CLCN4: variants seen among roughly 807,000 people sequenced by gnomAD.
CLCN4 encodes the protein H(+)/Cl(-) exchange transporter 4.
CLCN4 carries 1 observed loss-of-function variant against 41.7 expected under a neutral mutation model. The observed-to-expected ratio is 0.02, with a 90% CI of 0.01 to 0.11. The LOEUF (loss-of-function observed/expected upper bound fraction) is 0.11. Ranked by LOEUF, CLCN4 falls within the 10% of genes least tolerant of loss-of-function variation. The pLI is 1.00. For synonymous variants in CLCN4, 277 were observed against 285.8 expected (o/e 0.97, Z 0.31); for missense variants, 287 against 661.0 (o/e 0.43, Z 6.20).
chrX:10,196,008 G>T (rs1352067041), intron 5 of CLCN4, among the ~76,000 whole-genome samples: 1 of 112,278 alleles, frequency 8.9e-6, no homozygotes, highest in Non-Finnish European at 1.9e-5. Flanking sequence ...GAGTTGCTGG[G>T]TCAGATGGTT....
chrX:10,232,330 C>T (rs1407716224), intron 12 of CLCN4, among the ~76,000 whole-genome samples: 2 of 112,446 alleles, frequency 1.8e-5, no homozygotes, highest in Non-Finnish European at 3.8e-5. Context: ...TCTTCATATT[C>T]ACTAAGAGAT....
At chrX:10,173,964 C>G (rs563448999) in intron 2 of CLCN4, among the ~76,000 whole-genome samples, 3 of 112,074 alleles carry the variant, frequency 2.7e-5, no homozygotes, top group African/African-American at 9.7e-5. Context: ...TGCGGGTCGT[C>G]CTGTGCATTT....
At chrX:10,193,523 G>A in intron 4 of CLCN4, among the ~76,000 whole-genome samples, 1 of 111,757 alleles carries the variant, frequency 8.9e-6, no homozygotes, top group Admixed American at 9.5e-5. Context: ...AGGAAAGCAG[G>A]AGAGCATGAT....
intron 11 of CLCN4, among the ~76,000 whole-genome samples, chrX:10,216,835 A>G (rs1924720665): frequency 1.1e-5 from 1 of 90,730 alleles, no homozygotes; most frequent in African/African-American, 4.1e-5. Context: ...TTACTGGACT[A>G]GGTCATGGAG....
chrX:10,198,763 G>A (rs1924162335), intron 6 of CLCN4, among the ~76,000 whole-genome samples: 1 of 112,300 alleles, frequency 8.9e-6, no homozygotes, highest in African/African-American at 3.2e-5. Flanking sequence ...CATGATAATT[G>A]AGCTGATTCC....
At chrX:10,222,860 C>G (rs1326338542) in intron 12 of CLCN4, among the ~76,000 whole-genome samples, 1 of 112,100 alleles carries the variant, frequency 8.9e-6, no homozygotes, top group Non-Finnish European at 1.9e-5. Flanking sequence ...GCTCTGACTA[C>G]AGACAGAGCA....
At position 10,212,649 on chromosome X, in the gene CLCN4, C is replaced by T; in HGVS notation, c.1572C>T (p.Cys524=). Residue 524 remains cysteine (C), a synonymous_variant, in exon 10 of 13, where the codon TGC becomes TGT. Transcript: ENST00000380833. ...ACGCAATGGTGGGAGCTGCGGCCTG[C>T]CTCGGTACGACCATGGGTGGGGCAG... The part of the protein sequence containing the change: ...GLYAMVGAAA[C]LGGVTRMTVS... The T allele has an allele frequency of 8.3e-7, 1 of 1,205,643 alleles. No individual in the cohort carries two copies. The highest frequency in any genetic ancestry group is 1.8e-5 in the South Asian group (1 of 56,292).
intron 4 of CLCN4, among the ~76,000 whole-genome samples, chrX:10,194,395 T>C (rs1242924731): frequency 8.9e-6 from 1 of 112,000 alleles, no homozygotes; most frequent in Non-Finnish European, 1.9e-5. Context: ...ATTTAAATAA[T>C]GCAGAGAGTT....
intron 4 of CLCN4, among the ~76,000 whole-genome samples, chrX:10,191,005 T>C (rs1602148096): frequency 8.9e-6 from 1 of 112,587 alleles, no homozygotes; most frequent in African/African-American, 3.2e-5. Context: ...GATGTATATA[T>C]GTATGTATGT....
chrX:10,204,556 G>C (rs1924320862), intron 6 of CLCN4, among the ~76,000 whole-genome samples: 1 of 103,969 alleles, frequency 9.6e-6, no homozygotes, highest in Admixed American at 1.1e-4. Context: ...CAATATATTA[G>C]GCCTTGGAGG....
chrX:10,224,860 G>A (rs1164995811), intron 12 of CLCN4, among the ~76,000 whole-genome samples: 2 of 111,960 alleles, frequency 1.8e-5, no homozygotes, highest in Non-Finnish European at 3.8e-5. Context: ...TTCTGTTCCT[G>A]TGTTATTTTG....
At chrX:10,160,790 G>A (rs1290769101) in intron 2 of CLCN4, among the ~76,000 whole-genome samples, 1 of 111,548 alleles carries the variant, frequency 9.0e-6, no homozygotes, top group Non-Finnish European at 1.9e-5. Flanking sequence ...TAAAGATCTG[G>A]CTTTGACACC....
At chrX:10,163,040 A>G (rs1802999611) in intron 2 of CLCN4, among the ~76,000 whole-genome samples, 1 of 113,708 alleles carries the variant, frequency 8.8e-6, no homozygotes, top group Non-Finnish European at 1.9e-5. Flanking sequence ...AAACCCTTAG[A>G]CACACTGGGG....
rs1349700096 is a variant in CLCN4 at position 10,208,942 on chromosome X, G to A, written c.1389+352G>A. Among the ~76,000 whole-genome samples the A allele has an allele frequency of 3.6e-5, 4 of 111,726 alleles. No homozygotes were observed. The East Asian group carries it at 1.1e-3, about 31-fold the overall frequency. ...ACCACAGGTTTCCTGCCGCTGGCCA[G>A]GTGATGCCAGGTGGTGGAAAAAGCC... On this transcript the variant is annotated intron_variant, in intron 9 of 12. Transcript: ENST00000380833.
intron 12 of CLCN4, among the ~76,000 whole-genome samples, chrX:10,229,843 T>A (rs1395091190): frequency 4.5e-5 from 5 of 112,195 alleles, no homozygotes; most frequent in Non-Finnish European, 7.5e-5. Context: ...TGAATAGTGC[T>A]GCAATAAACA....
chrX:10,193,188 G>A (rs914836477), intron 4 of CLCN4, among the ~76,000 whole-genome samples: 1 of 111,994 alleles, frequency 8.9e-6, no homozygotes, highest in Non-Finnish European at 1.9e-5. Flanking sequence ...TCATGGGCAT[G>A]TCAAAAGAAT....
Position 10,191,692 on chromosome X carries a change from A to ATTTTTTTT in CLCN4, c.245-3198_245-3191dup, listed in dbSNP as rs760315418. Among the ~76,000 whole-genome samples, 56 of 49,767 alleles carry ATTTTTTTT rather than the reference A, an allele frequency of 1.1e-3. 4 individuals carry two copies. Among genetic ancestry groups the ATTTTTTTT allele is most frequent in the African/African-American group, 4.3e-3 (47 of 10,843 alleles). 43.2% of individuals were successfully genotyped at this position (49,767 alleles called of 115,157 possible). A position where few individuals can be genotyped will look rare whatever the true frequency, so the allele number is the denominator to read the frequency against. ...AGGCGCGTGCCACCATATCTGGTTAATTTTTTTTTTTTTTTTTTTTTTTTT... is the reference window on the plus strand; with the variant it reads ...AGGCGCGTGCCACCATATCTGGTTAATTTTTTTTTTTTTTTTTTTTTTTTTTTTTTTTT... On this transcript the variant is annotated intron_variant, in intron 4 of 12. Transcript: ENST00000380833.
Position 10,208,465 on chromosome X carries a change from A to G in CLCN4, c.1264A>G (p.Met422Val). The change falls in exon 9 of 13, where the codon ATG becomes GTG. Residue 422 changes from methionine (M) to valine (V), a missense_variant. Around this residue, in one of 6 missense-constraint regions of CLCN4, gnomAD observed 94 missense variants for 177.9 expected, o/e 0.53. Coordinates refer to ENST00000380833, the MANE Select transcript of CLCN4 (RefSeq NM_001830.4). ...CTGTGACTACATCAATGACCCCAAC[A>G]TGACTCGGCCTGTGGATGACATTCC... ...QLCDYINDPN[M>V]TRPVDDIPDR... The G allele has an allele frequency of 8.3e-7, 1 of 1,211,238 alleles. No homozygotes were observed. The highest frequency in any genetic ancestry group is 1.1e-6 in the Non-Finnish European group (1 of 895,354).
intron 12 of CLCN4, among the ~76,000 whole-genome samples, chrX:10,224,505 T>C: frequency 9.0e-6 from 1 of 110,863 alleles, no homozygotes; most frequent in Non-Finnish European, 1.9e-5. Context: ...GCTTGTTATC[T>C]ACTAAAGAAC....
Sources: allele counts gnomAD v4.1 joint callset (sites outside exome capture counted in the v4.1 genomes callset), GRCh38; gene constraint gnomAD v4.1.1; regional missense constraint gnomAD v4.1.1; transcripts MANE v1.5; gene names NCBI Gene and HGNC (gene_info 2026-07-23, HGNC 2026-07-21).